The following CSMD3 variants were observed in gnomAD, a reference collection of about 807,000 sequenced individuals.
CSMD3 encodes the protein CUB and sushi domain-containing protein 3.
Under a neutral mutation model 435.2 loss-of-function variants are expected in CSMD3, and 177 were observed. The ratio of observed to expected loss-of-function variants is 0.41; its 90% CI spans 0.36 to 0.46. The LOEUF is 0.46. Ranked by LOEUF, CSMD3 falls within the 20% of genes least tolerant of loss-of-function variation. CSMD3 has a pLI of 0.34. For missense variants in CSMD3, 4,265 were observed against 4,504.6 expected (o/e 0.95, Z 1.52); for synonymous variants, 1,656 against 1,520.5 (o/e 1.09, Z -2.07).
At chr8:112,543,557 G>T (rs1166093659) in intron 27 of CSMD3, among the ~76,000 whole-genome samples, 1 of 151,984 alleles carries the variant, frequency 6.6e-6, no homozygotes, top group African/African-American at 2.4e-5. Context: ...CCTGTCAGGA[G>T]GGTTATTATT....
intron 2 of CSMD3, among the ~76,000 whole-genome samples, chr8:113,280,215 C>CT (rs1193827727): frequency 6.6e-6 from 1 of 151,630 alleles, no homozygotes; most frequent in Non-Finnish European, 1.5e-5. Context: ...CTTTCTCTGT[C>CT]TTGTGGAATA....
intron 2 of CSMD3, among the ~76,000 whole-genome samples, chr8:113,301,610 C>A (rs1253254622): frequency 6.6e-6 from 1 of 151,442 alleles, no homozygotes; most frequent in Non-Finnish European, 1.5e-5. Flanking sequence ...TTCTATCTGT[C>A]CTGCTATATA....
chr8:112,339,077 C>A (rs1452602763), intron 42 of CSMD3, among the ~76,000 whole-genome samples: 3 of 152,102 alleles, frequency 2.0e-5, no homozygotes, highest in African/African-American at 7.2e-5. Flanking sequence ...CTTTCCACAA[C>A]TTAGTAATAA....
intron 22 of CSMD3, among the ~76,000 whole-genome samples, chr8:112,612,911 T>C: frequency 6.6e-6 from 1 of 151,384 alleles, no homozygotes; most frequent in Admixed American, 6.6e-5. Flanking sequence ...ATTATTTTTT[T>C]TTTGAGAGAC....
intron 61 of CSMD3, among the ~76,000 whole-genome samples, chr8:112,260,063 G>A (rs1247890355): frequency 1.3e-5 from 2 of 152,008 alleles, no homozygotes; most frequent in Admixed American, 1.3e-4. Flanking sequence ...CAGGTTTAGA[G>A]ACTTAAGACA....
At chr8:113,019,463 A>T (rs1282577013) in intron 5 of CSMD3, among the ~76,000 whole-genome samples, 1 of 151,158 alleles carries the variant, frequency 6.6e-6, no homozygotes, top group Admixed American at 6.6e-5. Flanking sequence ...TACTGCACCA[A>T]TAATTTATTT....
intron 3 of CSMD3, among the ~76,000 whole-genome samples, chr8:113,273,840 T>C (rs1017216316): frequency 9.9e-5 from 15 of 152,156 alleles, no homozygotes; most frequent in Non-Finnish European, 2.1e-4. Context: ...CTATCAGGTA[T>C]AGCTAATACA....
intron 9 of CSMD3, among the ~76,000 whole-genome samples, chr8:112,923,299 C>T (rs2082803683): frequency 6.6e-6 from 1 of 152,106 alleles, no homozygotes; most frequent in African/African-American, 2.4e-5. Context: ...ATCCCTGTTT[C>T]ACTCAGAATA....
chr8:112,297,774 T>C (rs940170905), intron 53 of CSMD3, among the ~76,000 whole-genome samples: 16 of 152,046 alleles, frequency 1.1e-4, no homozygotes, highest in Non-Finnish European at 2.2e-4. Flanking sequence ...GTAAATATTT[T>C]GAATAATTGT....
chr8:112,285,945 C>A (rs1377726054), intron 58 of CSMD3, among the ~76,000 whole-genome samples: 3 of 151,998 alleles, frequency 2.0e-5, no homozygotes. Context: ...CTGGTTCAAA[C>A]TCCTGGCCTC....
At chr8:112,918,300 A>C (rs1194387161) in intron 10 of CSMD3, among the ~76,000 whole-genome samples, 1 of 151,844 alleles carries the variant, frequency 6.6e-6, no homozygotes, top group South Asian at 2.1e-4. Flanking sequence ...GGTTGTTTTT[A>C]GTATTTTCCC....
At chr8:113,184,085 A>G (rs1186359170) in intron 3 of CSMD3, among the ~76,000 whole-genome samples, 1 of 151,970 alleles carries the variant, frequency 6.6e-6, no homozygotes, top group Non-Finnish European at 1.5e-5. Context: ...TTCACTAGGG[A>G]GACTCACAGA....
chr8:113,075,343 C>T (rs1362510304), intron 5 of CSMD3, among the ~76,000 whole-genome samples: 1 of 151,730 alleles, frequency 6.6e-6, no homozygotes, highest in Non-Finnish European at 1.5e-5. Context: ...GGGGGGAAAG[C>T]ATTAATCATA....
intron 7 of CSMD3, among the ~76,000 whole-genome samples, chr8:112,972,985 C>CAA (rs1249643312): frequency 6.6e-6 from 1 of 151,918 alleles, no homozygotes; most frequent in African/African-American, 2.4e-5. Flanking sequence ...ATTAGCTTCT[C>CAA]AGAGTATCCT....
chr8:112,399,725 T>C (rs536431931), intron 35 of CSMD3, among the ~76,000 whole-genome samples: 3 of 152,346 alleles, frequency 2.0e-5, no homozygotes, highest in African/African-American at 7.2e-5. Flanking sequence ...CAGCCACTTT[T>C]GTTATAAAGT....
chr8:112,252,724 C>A (rs1045873465), intron 63 of CSMD3, among the ~76,000 whole-genome samples: 16 of 146,202 alleles, frequency 1.1e-4, no homozygotes, highest in Non-Finnish European at 1.5e-5. Flanking sequence ...TTCATACCTG[C>A]CATATGCATG....
chr8:112,522,212 C>T (rs535098910), intron 27 of CSMD3, among the ~76,000 whole-genome samples: 5 of 151,684 alleles, frequency 3.3e-5, no homozygotes, highest in African/African-American at 4.8e-5. Flanking sequence ...CTCATTACCC[C>T]GAATGTGAAA....
At chr8:112,597,286 C>T (rs1311511792) in intron 22 of CSMD3, among the ~76,000 whole-genome samples, 1 of 152,100 alleles carries the variant, frequency 6.6e-6, no homozygotes, top group Non-Finnish European at 1.5e-5. Flanking sequence ...ATAAATTCCT[C>T]AACATATACA....
intron 13 of CSMD3, among the ~76,000 whole-genome samples, chr8:112,729,388 G>T (rs1233107816): frequency 6.6e-6 from 1 of 152,018 alleles, no homozygotes; most frequent in African/African-American, 2.4e-5. Flanking sequence ...TGTGAAACAC[G>T]ATTATCAGCT....
Sources: allele counts gnomAD v4.1 joint callset (sites outside exome capture counted in the v4.1 genomes callset), GRCh38; gene constraint gnomAD v4.1.1; transcripts MANE v1.5; gene names NCBI Gene and HGNC (gene_info 2026-07-23, HGNC 2026-07-21).